Variants in TLL2 observed in about 807,000 individuals in gnomAD.
The protein encoded by TLL2 is tolloid-like protein 2.
A neutral mutation model predicts 123.0 loss-of-function variants in TLL2; 106 were observed. The observed-to-expected ratio is 0.86, with a 90% confidence interval of 0.74 to 1.01. The LOEUF (loss-of-function observed/expected upper bound fraction) is 1.01, where lower values mean the gene tolerates loss of function less well. Among genes scored for constraint, TLL2 ranks in the 50% least tolerant of loss-of-function variants. The probability of loss-of-function intolerance (pLI) is 0.00; values close to 1 mark genes in which losing one functional copy is unlikely to be tolerated. For missense variants in TLL2, 1,332 were observed against 1,336.7 expected, an observed-to-expected ratio of 1.00 and a Z score of 0.06; for synonymous variants, 494 against 516.8, an observed-to-expected ratio of 0.96 and a Z score of 0.60.
chr10:96,461,064 G>A (rs897682877), intron 2 of TLL2, among the ~76,000 whole-genome samples: 3 of 152,134 alleles, frequency 2.0e-5, no homozygotes, highest in South Asian at 4.1e-4. Flanking sequence ...TATAGAAGAC[G>A]TTTAGCCTTG....
Position 96,364,825 on chromosome 10 carries a change from A to G in TLL2, c.*3263T>C, listed in dbSNP as rs1846008389. 1 of 152,616 alleles carries G rather than the reference A, an allele frequency of 6.6e-6. No individual in the cohort carries two copies. The highest frequency in any genetic ancestry group is 1.5e-5 in the Non-Finnish European group (1 of 68,056). 9.5% of individuals were successfully genotyped at this position (152,616 alleles called of 1,614,324 possible). A position where few individuals can be genotyped will look rare whatever the true frequency, so the allele number is the denominator to read the frequency against. ...ACTCTTCAGAAGTTCGGTCTACAAA[A>G]GAAACTTTAAAAACATCTGCTAAAG... On this transcript the variant is annotated 3_prime_UTR_variant, in exon 21 of 21. Transcript: ENST00000357947.
chr10:96,381,130 T>A (rs909972381), intron 16 of TLL2, among the ~76,000 whole-genome samples: 5 of 152,196 alleles, frequency 3.3e-5, no homozygotes, highest in Non-Finnish European at 5.9e-5. Context: ...TAGTTTCCTA[T>A]TGCAAATGTG....
intron 3 of TLL2, among the ~76,000 whole-genome samples, chr10:96,435,267 G>A (rs1023492609): frequency 5.9e-5 from 9 of 152,030 alleles, no homozygotes; most frequent in South Asian, 2.1e-4. Flanking sequence ...TCCTGACCTC[G>A]TGATCTGCCC....
intron 17 of TLL2, 58 bp downstream of exon 17, chr10:96,378,909 G>A: frequency 6.2e-7 from 1 of 1,604,736 alleles, no homozygotes; most frequent in Non-Finnish European, 8.5e-7. Context: ...TGCACACAGG[G>A]GCATGGGGTG....
intron 3 of TLL2, 100 bp from the exon 4 acceptor site, chr10:96,433,062 A>G (rs1846761093): frequency 6.7e-7 from 1 of 1,484,168 alleles, no homozygotes; most frequent in African/African-American, 1.4e-5. Flanking sequence ...GGGGTGTTAA[A>G]ACATGTTCCA....
At chr10:96,413,728 T>C (rs1325500890) in intron 7 of TLL2, among the ~76,000 whole-genome samples, 1 of 152,114 alleles carries the variant, frequency 6.6e-6, no homozygotes. Flanking sequence ...CAGGGAGAGC[T>C]TGGGAACTGG....
chr10:96,513,633 G>GGCA lies in TLL2; in HGVS notation c.50_52dup (p.Leu17dup), dbSNP rs757616576. 43 of 1,596,504 alleles carry GGCA rather than the reference G, an allele frequency of 2.7e-5. No homozygotes were observed. The South Asian group carries it at 2.9e-4, about 11-fold the overall frequency. ...GAGTCCCCCGGCGCCGCGAGGCAGC[G>GGCA]GCAGCAGCAGCAGCAGTGACACCAG... On this transcript the variant is annotated inframe_insertion, in exon 1 of 21. Transcript: ENST00000357947.
intron 1 of TLL2, among the ~76,000 whole-genome samples, chr10:96,505,143 T>TA (rs1469132018): frequency 3.9e-5 from 6 of 152,230 alleles, no homozygotes; most frequent in Non-Finnish European, 7.3e-5. Flanking sequence ...TCAGGAAACT[T>TA]ACAATCATGG....
Position 96,370,311 on chromosome 10 carries a change from G to A in TLL2, c.2667C>T (p.Cys889=). ...KGFQAVHSTE[C]GGRLKAEVQT... ...GCACTTCAGCCTTCAGCCTGCCCCC[G>A]CACTCTGGAGCAGAGAGAAGTGAGA... is the stretch of plus-strand genomic sequence containing the variant. Residue 889 remains cysteine (C), a synonymous_variant, in exon 20 of 21, where the codon TGC becomes TGT. Coordinates refer to ENST00000357947, the MANE Select transcript of TLL2 (RefSeq NM_012465.4). 3 of 1,565,934 alleles carry A rather than the reference G, an allele frequency of 1.9e-6. No homozygotes were observed. The highest frequency in any genetic ancestry group is 2.3e-5 in the East Asian group (1 of 43,724).
intron 13 of TLL2, among the ~76,000 whole-genome samples, chr10:96,389,963 A>G (rs560451038): frequency 6.6e-6 from 1 of 152,364 alleles, no homozygotes; most frequent in South Asian, 2.1e-4. Context: ...ACAGAGGTGC[A>G]TGGGGCCTCC....
rs1460826972 is a variant in TLL2 at position 96,410,426 on chromosome 10, C to G, written c.1097G>C (p.Gly366Ala). ...GTAAGATGGGTACCCATTTGGGAAA[C>G]CAGGTGCAGAAAAGTTTCCCGTTGT... ...QDTTGNFSAP[G>A]FPNGYPSYSH... The change falls in exon 9 of 21, where the codon GGT becomes GCT. Residue 366 changes from glycine to alanine, a missense_variant. Physicochemically the swap from Gly to Ala is moderately conservative, Grantham distance 60. Coordinates refer to ENST00000357947, the MANE Select transcript of TLL2 (RefSeq NM_012465.4). The G allele has an allele frequency of 6.2e-7, 1 of 1,613,994 alleles. No homozygotes were observed. Among genetic ancestry groups the G allele is most frequent in the African/African-American group, 1.3e-5 (1 of 74,906 alleles).
chr10:96,423,883 C>T (rs953567016), intron 5 of TLL2, among the ~76,000 whole-genome samples: 4 of 152,182 alleles, frequency 2.6e-5, no homozygotes, highest in Admixed American at 2.6e-4. Context: ...GATTTGGAAG[C>T]AACCTAAGTG....
chr10:96,386,852 T>C, intron 14 of TLL2, 101 bp downstream of exon 14: 4 of 1,543,138 alleles, frequency 2.6e-6, no homozygotes, highest in Non-Finnish European at 3.5e-6. Flanking sequence ...CCATTGCCCA[T>C]CGTTCCTACA....
At chr10:96,455,598 G>A (rs7088632) in intron 2 of TLL2, among the ~76,000 whole-genome samples, 3,031 of 151,156 alleles carry the variant, frequency 0.02, 109 homozygotes, top group African/African-American at 0.071. Flanking sequence ...ACCTCTGGTC[G>A]TCCTCACTGC....
chr10:96,496,649 A>G (rs530199433), intron 1 of TLL2, among the ~76,000 whole-genome samples: 2 of 152,360 alleles, frequency 1.3e-5, no homozygotes, highest in South Asian at 4.1e-4. Flanking sequence ...AATACATTAC[A>G]GAAATGTCAC....
intron 2 of TLL2, among the ~76,000 whole-genome samples, chr10:96,476,216 T>TTATATATATATA (rs1466849863): frequency 4.2e-4 from 14 of 33,318 alleles, no homozygotes; most frequent in Non-Finnish European, 7.6e-4. Context: ...CTTTTTAATT[T>TTATATATATATA]TATATGTATA....
chr10:96,390,874 A>T (rs1846280987), intron 13 of TLL2, among the ~76,000 whole-genome samples: 1 of 152,342 alleles, frequency 6.6e-6, no homozygotes, highest in South Asian at 2.1e-4. Context: ...TATAAAACAC[A>T]TGCTGGATTT....
chr10:96,443,566 C>T (rs1294275271), intron 3 of TLL2, among the ~76,000 whole-genome samples: 1 of 152,176 alleles, frequency 6.6e-6, no homozygotes, highest in East Asian at 1.9e-4. Context: ...CTACTGAACC[C>T]AGTCAACCCC....
intron 10 of TLL2, among the ~76,000 whole-genome samples, chr10:96,398,061 G>C (rs1186859607): frequency 6.6e-6 from 1 of 152,238 alleles, no homozygotes; most frequent in Non-Finnish European, 1.5e-5. Flanking sequence ...GGTCAGCATA[G>C]AAGTGTCTAT....
Sources: allele counts gnomAD v4.1 joint callset (sites outside exome capture counted in the v4.1 genomes callset), GRCh38; gene constraint gnomAD v4.1.1; transcripts MANE v1.5; gene names NCBI Gene and HGNC (gene_info 2026-07-23, HGNC 2026-07-21).